The following QSOX1 variants were observed in gnomAD, a reference collection of about 807,000 sequenced individuals.
QSOX1 encodes quiescin sulfhydryl oxidase 1, also known as sulfhydryl oxidase 1.
A neutral mutation model predicts 76.1 loss-of-function variants in QSOX1; 40 were observed. The ratio of observed to expected loss-of-function variants is 0.53; its 90% CI spans 0.41 to 0.68. The LOEUF is 0.68. Among genes scored for constraint, QSOX1 ranks in the 30% least tolerant of loss-of-function variants. The pLI, the probability that QSOX1 is intolerant of heterozygous loss-of-function variation, is 0.00. For missense variants in QSOX1, 931 were observed against 974.3 expected (o/e 0.96, Z 0.59); for synonymous variants, 392 against 413.1 (o/e 0.95, Z 0.62).
At chr1:180,183,068 G>A (rs956098231) in intron 6 of QSOX1, among the ~76,000 whole-genome samples, 2 of 152,174 alleles carry the variant, frequency 1.3e-5, no homozygotes, top group Non-Finnish European at 2.9e-5. Flanking sequence ...CTCGCTTTCC[G>A]GGCAGGCCCA....
rs1663287916 is a variant in QSOX1, at chr1:180,190,728, C to G, written c.1288+148C>G. On this transcript the variant is annotated intron_variant, in intron 10 of 11. Coordinates refer to ENST00000367602, the MANE Select transcript of QSOX1 (RefSeq NM_002826.5). ...GGGAGAGTCAGCCTTGGGGCTCTGG[C>G]TGGATTGCTCTATCTGCAGGTAGCC... 3 of 1,006,858 alleles carry G rather than the reference C, an allele frequency of 3.0e-6. No individual in the cohort carries two copies. In the South Asian group the frequency reaches 5.0e-5, roughly 17 times the overall value. 62.4% of individuals were successfully genotyped at this position (1,006,858 alleles called of 1,614,324 possible).
At chr1:180,155,515 ACCT>A (rs1213021553) in intron 1 of QSOX1, among the ~76,000 whole-genome samples, 1 of 151,864 alleles carries the variant, frequency 6.6e-6, no homozygotes, top group Non-Finnish European at 1.5e-5. Flanking sequence ...GTCCGCTGAC[ACCT>A]TACCGTTTCC....
intron 11 of QSOX1, among the ~76,000 whole-genome samples, chr1:180,194,715 C>T (rs1334803293): frequency 2.0e-5 from 3 of 152,208 alleles, no homozygotes; most frequent in Admixed American, 6.5e-5. Context: ...ACTGCTAGGG[C>T]AGAGGGAGCT....
At chr1:180,184,120 C>G (rs1183420941) in intron 7 of QSOX1, 70 bp downstream of exon 7, 1 of 1,539,130 alleles carries the variant, frequency 6.5e-7, no homozygotes, top group African/African-American at 1.4e-5. Context: ...CCTTCACACC[C>G]ACGCCCTCTT....
chr1:180,156,597 A>T (rs1159336528), intron 1 of QSOX1, among the ~76,000 whole-genome samples: 1 of 152,196 alleles, frequency 6.6e-6, no homozygotes. Context: ...TTTTAGCCAT[A>T]TGGTCCTGGA....
In QSOX1 at chr1:180,202,714, C is replaced by T. The variant is rs1238030103; in HGVS notation, c.*5677C>T. On this transcript the variant is annotated 3_prime_UTR_variant, in exon 12 of 12. Transcript: ENST00000367602. Reference sequence around the variant, plus strand: ...AAAGGGGAAATATAATTGAATACTTCACTGTTTTTGAAAGCATGAAAACAA... The same window carrying T: ...AAAGGGGAAATATAATTGAATACTTTACTGTTTTTGAAAGCATGAAAACAA... The T allele has an allele frequency of 6.8e-6, 1 of 148,126 alleles. No homozygotes were observed. The highest frequency in any genetic ancestry group is 2.5e-5 in the African/African-American group (1 of 40,616). 9.2% of individuals were successfully genotyped at this position (148,126 alleles called of 1,614,324 possible).
chr1:180,163,081 AG>A (rs2149230167), intron 1 of QSOX1, among the ~76,000 whole-genome samples: 1 of 152,134 alleles, frequency 6.6e-6, no homozygotes, highest in East Asian at 1.9e-4. Context: ...GTTTTAACAG[AG>A]AGGACCAAAT....
At position 180,196,276 on chromosome 1, in the gene QSOX1, G is replaced by A. The variant is rs1404708703; in HGVS notation, c.1483G>A (p.Asp495Asn). 1 of 1,611,180 alleles carries A rather than the reference G, an allele frequency of 6.2e-7. No homozygotes were observed. Among genetic ancestry groups the A allele is most frequent in the Non-Finnish European group, 8.5e-7 (1 of 1,177,646 alleles). The change falls in exon 12 of 12, where the codon GAC becomes AAC. Residue 495 changes from aspartate to asparagine, a missense_variant. Asp to Asn is a conservative substitution (Grantham distance 23). Transcript: ENST00000367602. This position sits in a 1 kb window ranked among gnomAD's most constrained non-coding sequence, Gnocchi z 4.1. The stretch of plus-strand genomic sequence containing the variant: ...TCCCTCTGTAGGTGCCCCCAGCGAG[G>A]ACCCCCAGTTCCCCAAGGTGCAGTG... ...NARLAGAPSEDPQFPKVQWPP... is the reference protein window; with the variant it reads ...NARLAGAPSENPQFPKVQWPP...
rs1246733759 is a variant in QSOX1, at chr1:180,178,840, C to T, written c.562C>T (p.Leu188=). ...GFFARNNEEY[L]ALIFEKGGSY... ...CTTTGCGAGAAATAACGAAGAGTACCTGGCTCTGATCTTTGAAAAGGGAGG... is the reference window on the plus strand; with the variant it reads ...CTTTGCGAGAAATAACGAAGAGTACTTGGCTCTGATCTTTGAAAAGGGAGG... The change falls in exon 5 of 12, where the codon CTG becomes TTG. Residue 188 remains leucine, a synonymous_variant. Transcript: ENST00000367602. 3 of 1,613,934 alleles carry T rather than the reference C, an allele frequency of 1.9e-6. No homozygotes were observed. Among genetic ancestry groups the T allele is most frequent in the Non-Finnish European group, 2.5e-6 (3 of 1,179,896 alleles).
chr1:180,186,560 C>T (rs572257788), intron 8 of QSOX1, among the ~76,000 whole-genome samples: 1 of 152,358 alleles, frequency 6.6e-6, no homozygotes, highest in South Asian at 2.1e-4. Flanking sequence ...CCCTAGGACA[C>T]CCTGGCGAAG....
In QSOX1 at chr1:180,196,837, C is replaced by G. The variant is rs1393149609; in HGVS notation, c.2044C>G (p.Pro682Ala). The G allele has an allele frequency of 1.2e-6, 2 of 1,607,478 alleles. No individual in the cohort carries two copies. The highest frequency in any genetic ancestry group is 2.2e-5 in the East Asian group (1 of 44,758). Residue 682 changes from proline (P) to alanine (A), a missense_variant, in exon 12 of 12, where the codon CCT becomes GCT. By Grantham distance (27) the Pro-to-Ala change is conservative. Transcript: ENST00000367602. The surrounding 1 kb of genome is among the most constrained non-coding windows in gnomAD (Gnocchi z 4.1). ...GRSSKQLVDI[P>A]EGQLEARAGR... is the part of the protein sequence containing the mutation. ...CAGCTCCAAGCAGCTGGTCGACATC[C>G]CTGAGGGCCAGCTGGAGGCCCGAGC...
In QSOX1 at chr1:180,155,063, C is replaced by CGCGGT; in HGVS notation, c.159_163dup (p.Leu55ArgfsTer69). On this transcript the variant is annotated frameshift_variant, in exon 1 of 12. Coordinates refer to ENST00000367602, the MANE Select transcript of QSOX1 (RefSeq NM_002826.5). LOFTEE classifies it high-confidence loss of function. ...TGCTGCAGGCGGACACGGTGCGCGGCGCGGTGCTGGGCTCCCGCAGCGCCT... is the reference window on the plus strand; with the variant it reads ...TGCTGCAGGCGGACACGGTGCGCGGCGCGGTGCGGTGCTGGGCTCCCGCAGCGCCT... 5.3e-6 allele frequency: 8 copies of CGCGGT among 1,514,942 alleles called. No individual in the cohort carries two copies. Among genetic ancestry groups the CGCGGT allele is most frequent in the Non-Finnish European group, 7.0e-6 (8 of 1,138,318 alleles). The allele number at this position is 1,514,942 out of a possible 1,614,324, so 93.8% of individuals were successfully genotyped here.
chr1:180,176,758 G>A (rs16855377), intron 4 of QSOX1, among the ~76,000 whole-genome samples: 24,963 of 152,254 alleles, frequency 0.16, 2,115 homozygotes, highest in Middle Eastern at 0.22. Flanking sequence ...TGCCAAGAAG[G>A]AACAAATCCA....
chr1:180,164,350 C>T (rs1305971420), intron 1 of QSOX1, among the ~76,000 whole-genome samples: 1 of 152,154 alleles, frequency 6.6e-6, no homozygotes, highest in Non-Finnish European at 1.5e-5. Context: ...ATGTAGCTCA[C>T]CTCACTCTGC....
At chr1:180,168,770 A>G (rs1662696465) in intron 2 of QSOX1, among the ~76,000 whole-genome samples, 1 of 152,176 alleles carries the variant, frequency 6.6e-6, no homozygotes, top group Middle Eastern at 3.2e-3. Context: ...ACAGATTCCA[A>G]TATCCAGAGA....
chr1:180,195,011 A>C (rs1054373237), intron 11 of QSOX1, among the ~76,000 whole-genome samples: 1 of 150,322 alleles, frequency 6.7e-6, no homozygotes, highest in Non-Finnish European at 1.5e-5. Flanking sequence ...GGGGGAGACC[A>C]GGGCGGAGCC....
At chr1:180,157,900 G>T (rs894797650) in intron 1 of QSOX1, among the ~76,000 whole-genome samples, 1 of 152,170 alleles carries the variant, frequency 6.6e-6, no homozygotes, top group Non-Finnish European at 1.5e-5. Context: ...TTTGAAAAAG[G>T]CCAAAGGAGT....
At chr1:180,170,234 C>T (rs1011902892) in intron 2 of QSOX1, among the ~76,000 whole-genome samples, 3 of 152,152 alleles carry the variant, frequency 2.0e-5, no homozygotes, top group South Asian at 4.1e-4. Context: ...GGGAGGAAGA[C>T]AGGACTCCAG....
In QSOX1 at chr1:180,196,305, A is replaced by T. The variant is rs1572057204; in HGVS notation, c.1512A>T (p.Pro504=). 1.2e-6 allele frequency: 2 copies of T among 1,613,730 alleles called. No individual in the cohort carries two copies. ...CCCAGTTCCCCAAGGTGCAGTGGCC[A>T]CCCCGTGAACTTTGTTCTGCCTGCC... ...EDPQFPKVQW[P]PRELCSACHN... is the part of the protein sequence containing the mutation. Residue 504 remains proline (P), a synonymous_variant, in exon 12 of 12, where the codon CCA becomes CCT. Coordinates refer to ENST00000367602, the MANE Select transcript of QSOX1 (RefSeq NM_002826.5). This position sits in a 1 kb window ranked among gnomAD's most constrained non-coding sequence, Gnocchi z 4.1.
Sources: allele counts gnomAD v4.1 joint callset (sites outside exome capture counted in the v4.1 genomes callset), GRCh38; gene constraint gnomAD v4.1.1; non-coding constraint Gnocchi (gnomAD v3.1); transcripts MANE v1.5; gene names NCBI Gene and HGNC (gene_info 2026-07-23, HGNC 2026-07-21).